Variants in CDH18 observed in about 807,000 individuals in gnomAD.
The protein encoded by CDH18 is cadherin-18.
CDH18 carries 31 observed loss-of-function variants against 67.9 expected under a neutral mutation model. The observed-to-expected ratio is 0.46, with a 90% CI of 0.34 to 0.62. The LOEUF (loss-of-function observed/expected upper bound fraction) is 0.62, where lower values mean the gene tolerates loss of function less well. Ranked by LOEUF, CDH18 falls within the 20% of genes least tolerant of loss-of-function variation. The pLI, the probability that CDH18 is intolerant of heterozygous loss-of-function variation, is 0.01. For synonymous variants in CDH18, 362 were observed against 347.2 expected (o/e 1.04, Z -0.48); for missense variants, 890 against 975.5 (o/e 0.91, Z 1.17).
intron 1 of CDH18, among the ~76,000 whole-genome samples, chr5:20,449,832 A>AAAAT (rs1554001268): frequency 1.3e-5 from 2 of 151,436 alleles, no homozygotes; most frequent in Non-Finnish European, 1.5e-5. Context: ...AAAAAGAAAA[A>AAAAT]ATATATATAT....
chr5:19,998,574 A>C (rs556181078), intron 2 of CDH18, among the ~76,000 whole-genome samples: 1 of 152,284 alleles, frequency 6.6e-6, no homozygotes, highest in Non-Finnish European at 1.5e-5. Context: ...TCAACATAAA[A>C]TTTGAGGAGA....
intron 1 of CDH18, among the ~76,000 whole-genome samples, chr5:20,389,563 C>T (rs1744647888): frequency 6.6e-6 from 1 of 151,894 alleles, no homozygotes; most frequent in Non-Finnish European, 1.5e-5. Context: ...CCATACTGCC[C>T]AAGGTAATTT....
At chr5:19,982,210 T>G (rs1799122706) in intron 1 of CDH18, among the ~76,000 whole-genome samples, 1 of 152,122 alleles carries the variant, frequency 6.6e-6, no homozygotes, top group Non-Finnish European at 1.5e-5. Flanking sequence ...ATTGCTAAGC[T>G]AAATAGAACA....
At chr5:20,398,024 T>A (rs991024098) in intron 1 of CDH18, among the ~76,000 whole-genome samples, 1 of 152,176 alleles carries the variant, frequency 6.6e-6, no homozygotes, top group Non-Finnish European at 1.5e-5. Flanking sequence ...ACTAGCTACA[T>A]TTTAGCTGTT....
At chr5:19,793,091 C>A (rs1776525885) in intron 3 of CDH18, among the ~76,000 whole-genome samples, 1 of 152,094 alleles carries the variant, frequency 6.6e-6, no homozygotes, top group Non-Finnish European at 1.5e-5. Context: ...CCTCCTCCTC[C>A]TTCTACTATG....
At chr5:19,715,929 T>C (rs1448563736) in intron 5 of CDH18, among the ~76,000 whole-genome samples, 1 of 151,692 alleles carries the variant, frequency 6.6e-6, no homozygotes, top group African/African-American at 2.4e-5. Context: ...CGATTCTCTC[T>C]GGCTCAGCAT....
At chr5:20,175,216 CAG>C (rs1344533859) in intron 2 of CDH18, among the ~76,000 whole-genome samples, 1 of 151,886 alleles carries the variant, frequency 6.6e-6, no homozygotes, top group Non-Finnish European at 1.5e-5. Flanking sequence ...AAAAGAGTAA[CAG>C]AGAGAGGAAA....
chr5:19,864,945 C>T (rs1223785004), intron 2 of CDH18, among the ~76,000 whole-genome samples: 1 of 152,020 alleles, frequency 6.6e-6, no homozygotes, highest in Non-Finnish European at 1.5e-5. Flanking sequence ...ATGGGAAATA[C>T]TTCCTTCTTT....
chr5:19,955,959 T>C (rs1796216715), intron 2 of CDH18, among the ~76,000 whole-genome samples: 1 of 152,042 alleles, frequency 6.6e-6, no homozygotes, highest in African/African-American at 2.4e-5. Context: ...GTTTCAGATA[T>C]CCAAGTATAA....
chr5:20,308,124 T>G, intron 1 of CDH18, among the ~76,000 whole-genome samples: 1 of 149,996 alleles, frequency 6.7e-6, no homozygotes, highest in East Asian at 2.0e-4. Flanking sequence ...CAACCCATAT[T>G]TGATAGCAAA....
chr5:20,546,436 G>C (rs1757348242), intron 1 of CDH18, among the ~76,000 whole-genome samples: 2 of 152,036 alleles, frequency 1.3e-5, no homozygotes, highest in Admixed American at 6.6e-5. Flanking sequence ...AATTTATAAA[G>C]AAAGGAGGTT....
chr5:19,920,680 A>G lies in CDH18; in HGVS notation c.-257+60380T>C, dbSNP rs1175496611. ...AGATGCCCGCCATCATGCCCAGCTA[A>G]TTTTTGTATTTTTAGTAGAGACGGG... On this transcript the variant is annotated intron_variant, in intron 2 of 12. Transcript: ENST00000382275. Among the ~76,000 whole-genome samples, 3 of 151,550 alleles carry G rather than the reference A, an allele frequency of 2.0e-5. No homozygotes were observed. In the East Asian group the frequency reaches 5.9e-4, roughly 30 times the overall value.
chr5:19,588,555 C>G (rs922634097), intron 7 of CDH18, among the ~76,000 whole-genome samples: 1 of 151,894 alleles, frequency 6.6e-6, no homozygotes. Flanking sequence ...CATAACAATA[C>G]TAACATTAAA....
At chr5:19,937,133 T>A (rs1794363577) in intron 2 of CDH18, among the ~76,000 whole-genome samples, 1 of 151,400 alleles carries the variant, frequency 6.6e-6, no homozygotes, top group Non-Finnish European at 1.5e-5. Context: ...AATTATTATA[T>A]CCTTCATGTT....
chr5:19,817,350 G>A (rs1779400867), intron 3 of CDH18, among the ~76,000 whole-genome samples: 2 of 151,920 alleles, frequency 1.3e-5, no homozygotes, highest in South Asian at 2.1e-4. Context: ...TCTTTGAATC[G>A]GAATCTCACT....
chr5:19,843,779 A>T (rs930198310), intron 2 of CDH18, among the ~76,000 whole-genome samples: 2 of 152,196 alleles, frequency 1.3e-5, no homozygotes, highest in Non-Finnish European at 2.9e-5. Context: ...AGGCCATGGG[A>T]GCCCAACCTT....
intron 6 of CDH18, among the ~76,000 whole-genome samples, chr5:19,596,146 A>T (rs1746128122): frequency 6.6e-6 from 1 of 152,202 alleles, no homozygotes; most frequent in African/African-American, 2.4e-5. Flanking sequence ...AATAACTTTC[A>T]TCTCTCTTTG....
intron 1 of CDH18, among the ~76,000 whole-genome samples, chr5:20,484,502 A>G (rs1383948603): frequency 6.6e-6 from 1 of 152,076 alleles, no homozygotes; most frequent in East Asian, 1.9e-4. Context: ...AGCACTATTC[A>G]CCATAGCCAA....
intron 6 of CDH18, among the ~76,000 whole-genome samples, chr5:19,597,544 T>C (rs1393125511): frequency 1.3e-5 from 2 of 152,154 alleles, no homozygotes; most frequent in East Asian, 1.9e-4. Context: ...CATGATTCTA[T>C]TGCACCCTTA....
Sources: allele counts gnomAD v4.1 joint callset (sites outside exome capture counted in the v4.1 genomes callset), GRCh38; gene constraint gnomAD v4.1.1; transcripts MANE v1.5; gene names NCBI Gene and HGNC (gene_info 2026-07-23, HGNC 2026-07-21).